The following JPH3 variants were observed in gnomAD, a reference collection of about 807,000 sequenced individuals.
JPH3 encodes the protein junctophilin-3.
Under a neutral mutation model 59.6 loss-of-function variants are expected in JPH3, and 11 were observed. That is an observed-to-expected ratio of 0.18 (90% CI 0.12 to 0.31). The LOEUF is 0.31. Ranked by LOEUF, JPH3 falls within the 10% of genes least tolerant of loss-of-function variation. The pLI, the probability that JPH3 is intolerant of heterozygous loss-of-function variation, is 1.00. For synonymous variants in JPH3, 673 were observed against 483.6 expected (o/e 1.39, Z -5.14); for missense variants, 1,202 against 1,105.7 (o/e 1.09, Z -1.24).
intron 2 of JPH3, among the ~76,000 whole-genome samples, chr16:87,657,214 A>C (rs1044633971): frequency 6.6e-6 from 1 of 152,196 alleles, no homozygotes; most frequent in African/African-American, 2.4e-5. Context: ...GAGGAGGCCA[A>C]ACTGACCAGA....
chr16:87,603,585 C>G lies in JPH3; in HGVS notation c.382+57C>G, dbSNP rs928275212. On this transcript the variant is annotated intron_variant, in intron 1 of 4. Coordinates refer to ENST00000284262, the MANE Select transcript of JPH3 (RefSeq NM_020655.4). ...GGGAGGGACGTGCTTCCGATCGCGC[C>G]CCTTCTGTGGATCTCTGGGGAAGTT... 1.5e-5 allele frequency: 23 copies of G among 1,514,210 alleles called. No individual in the cohort carries two copies. In the South Asian group the frequency reaches 2.8e-4, roughly 18 times the overall value. The allele number at this position is 1,514,210 out of a possible 1,614,324, so 93.8% of individuals were successfully genotyped here.
intron 2 of JPH3, among the ~76,000 whole-genome samples, chr16:87,666,757 A>C (rs978262963): frequency 6.6e-6 from 1 of 152,132 alleles, no homozygotes; most frequent in African/African-American, 2.4e-5. Flanking sequence ...TGTCTAATAT[A>C]AGAGAACCCC....
chr16:87,671,814 C>G (rs979869083), intron 2 of JPH3, among the ~76,000 whole-genome samples: 15 of 152,230 alleles, frequency 9.9e-5, no homozygotes, highest in African/African-American at 3.4e-4. Flanking sequence ...GCACAGGGGA[C>G]ACACCTGCTT....
chr16:87,667,505 G>A (rs1045160417), intron 2 of JPH3, among the ~76,000 whole-genome samples: 27 of 152,334 alleles, frequency 1.8e-4, no homozygotes, highest in African/African-American at 6.0e-4. Context: ...CTAAGCTGAA[G>A]TCGGGAGCGT....
At chr16:87,690,768 G>A (rs1467561610) in intron 4 of JPH3, among the ~76,000 whole-genome samples, 2 of 151,996 alleles carry the variant, frequency 1.3e-5, no homozygotes, top group Admixed American at 6.5e-5. Flanking sequence ...TGTCCAGAAA[G>A]CACACGAAAC....
intron 1 of JPH3, among the ~76,000 whole-genome samples, chr16:87,613,435 C>G (rs1415070083): frequency 6.6e-6 from 1 of 152,116 alleles, no homozygotes; most frequent in Non-Finnish European, 1.5e-5. Flanking sequence ...ATTCTCCTGC[C>G]TCTGCCTCCC....
At position 87,689,067 on chromosome 16, in the gene JPH3, C is replaced by G. The variant is rs375643752; in HGVS notation, c.1286-579C>G. 3.0e-3 allele frequency among the ~76,000 whole-genome samples: 454 copies of G among 152,240 alleles called. 4 individuals are homozygous for G. Among genetic ancestry groups the G allele is most frequent in the African/African-American group, 0.01 (421 of 41,526 alleles). ...TGGGTCCTGTGGTGACCTCCCCTTC[C>G]GGGGAGCCCCGCCCTAGGACTTGAA... On this transcript the variant is annotated intron_variant, in intron 3 of 4. Transcript: ENST00000284262.
intron 3 of JPH3, among the ~76,000 whole-genome samples, chr16:87,689,061 C>T (rs2033488489): frequency 1.3e-5 from 2 of 152,138 alleles, no homozygotes; most frequent in African/African-American, 2.4e-5. Flanking sequence ...TGGTGACCTC[C>T]CCTTCCGGGG....
Position 87,603,545 on chromosome 16 carries a change from G to C in JPH3, c.382+17G>C. On this transcript the variant is annotated intron_variant, in intron 1 of 4. Coordinates refer to ENST00000284262, the MANE Select transcript of JPH3 (RefSeq NM_020655.4). ...CGGACGGAGGTAGGTGCCGCGGGCC[G>C]GGCCGGGCCGGGGCGGGAGGGACGT... The C allele has an allele frequency of 1.3e-6, 2 of 1,543,002 alleles. No homozygotes were observed. Among genetic ancestry groups the C allele is most frequent in the Non-Finnish European group, 8.7e-7 (1 of 1,144,290 alleles).
chr16:87,604,556 C>T, intron 1 of JPH3: 1 of 1,250,366 alleles, frequency 8.0e-7, no homozygotes, highest in Non-Finnish European at 1.0e-6. Context: ...CTGTTTCAGG[C>T]ATGGATGCCT....
chr16:87,690,305 G>A lies in JPH3; in HGVS notation c.1945G>A (p.Gly649Ser), dbSNP rs764781615. Residue 649 changes from glycine to serine, a missense_variant, in exon 4 of 5, where the codon GGC becomes AGC. Transcript: ENST00000284262. Reference protein sequence around the residue: ...LGDDHRPEDRGFGVQRLRSKA... With the variant: ...LGDDHRPEDRSFGVQRLRSKA... The stretch of plus-strand genomic sequence containing the variant: ...GGACGACCACCGCCCCGAGGACCGG[G>A]GCTTCGGGGTGCAGAGACTGCGGTC... 31 of 1,595,734 alleles carry A rather than the reference G, an allele frequency of 1.9e-5. No homozygotes were observed. Among genetic ancestry groups the A allele is most frequent in the African/African-American group, 1.9e-4 (14 of 74,430 alleles).
At chr16:87,643,745 G>C (rs916720563) in intron 1 of JPH3, among the ~76,000 whole-genome samples, 2 of 152,212 alleles carry the variant, frequency 1.3e-5, no homozygotes, top group Non-Finnish European at 2.9e-5. Flanking sequence ...CTAGCCATGA[G>C]AAGCAGGATG....
chr16:87,673,197 C>G (rs548849972), intron 2 of JPH3, among the ~76,000 whole-genome samples: 1 of 151,710 alleles, frequency 6.6e-6, no homozygotes, highest in African/African-American at 2.4e-5. Flanking sequence ...GGTTTCCTTA[C>G]TGCATAAAAC....
chr16:87,646,413 G>A (rs182629189), intron 2 of JPH3, among the ~76,000 whole-genome samples: 2 of 152,198 alleles, frequency 1.3e-5, no homozygotes, highest in Non-Finnish European at 2.9e-5. Context: ...GCCCCTCCCT[G>A]CTCCCTCAGA....
rs1239488799 is a variant in JPH3, at chr16:87,602,556, CGCCGCCGCCCGA to C, written c.-582_-571del. Among the ~76,000 whole-genome samples, 1 of 140,722 alleles carries C rather than the reference CGCCGCCGCCCGA, an allele frequency of 7.1e-6. No individual in the cohort carries two copies. Among genetic ancestry groups the C allele is most frequent in the Non-Finnish European group, 1.6e-5 (1 of 63,794 alleles). 92.3% of individuals were successfully genotyped at this position (140,722 alleles called of 152,430 possible). A position where few individuals can be genotyped will look rare whatever the true frequency, so the allele number is the denominator to read the frequency against. ...CGCACGCCGCCGCCGCCACCGCCGC[CGCCGCCGCCCGA>C]GCCGCCGCATTGCTGCTGCTGCTGC... On this transcript the variant is annotated 5_prime_UTR_variant, in exon 1 of 5. Coordinates refer to ENST00000284262, the MANE Select transcript of JPH3 (RefSeq NM_020655.4).
intron 1 of JPH3, among the ~76,000 whole-genome samples, chr16:87,616,197 T>A (rs1031602972): frequency 2.2e-5 from 2 of 90,422 alleles, no homozygotes; most frequent in African/African-American, 6.7e-5. Flanking sequence ...GTTTTGTGTG[T>A]GTGTGTGTGT....
At chr16:87,650,271 C>T (rs187855155) in intron 2 of JPH3, among the ~76,000 whole-genome samples, 361 of 152,260 alleles carry the variant, frequency 2.4e-3, no homozygotes, top group Non-Finnish European at 3.3e-3. Flanking sequence ...TTTGAGGTTA[C>T]TAGTGTGGTT....
intron 3 of JPH3, 147 bp from the exon 4 acceptor site, chr16:87,689,499 T>C: frequency 1.3e-6 from 1 of 777,658 alleles, no homozygotes; most frequent in Non-Finnish European, 2.0e-6. Context: ...CGGTCCCCAC[T>C]CCCCTCCCTT....
rs1043109268 is a variant in JPH3 at position 87,618,283 on chromosome 16, G to A, written c.382+14755G>A. ...GGAGCCTAGGGGAGCCCCAGGACTC[G>A]AGAAGTGGGCAGAGGAAGAGGAGGC... On this transcript the variant is annotated intron_variant, in intron 1 of 4. Transcript: ENST00000284262. Among the ~76,000 whole-genome samples the A allele has an allele frequency of 5.3e-5, 8 of 152,210 alleles. No homozygotes were observed. In the South Asian group the frequency reaches 6.2e-4, roughly 12 times the overall value.
Sources: gnomAD v4.1 joint callset for allele counts (sites outside exome capture counted in the v4.1 genomes callset) on GRCh38, gnomAD v4.1.1 for gene constraint, MANE v1.5 for transcripts, NCBI Gene and HGNC (gene_info 2026-07-23, HGNC 2026-07-21) for gene names.